Variants in PCDH11Y observed in about 807,000 individuals in gnomAD.
PCDH11Y encodes protocadherin 11 Y-linked.
For missense variants in PCDH11Y, 12 were observed against 224.8 expected (o/e 0.05, Z 6.05); for synonymous variants, 9 against 83.6 (o/e 0.11, Z 4.87).
intron 2 of PCDH11Y, among the ~76,000 whole-genome samples, chrY:5,255,222 G>A: frequency 9.6e-5 from 3 of 31,106 alleles, no homozygotes; most frequent in Non-Finnish European, 2.3e-4. Flanking sequence ...CCAGCCTCTG[G>A]TAACCATCTG....
chrY:5,079,622 G>C, intron 1 of PCDH11Y, among the ~76,000 whole-genome samples: 1 of 31,378 alleles, frequency 3.2e-5, no homozygotes, highest in South Asian at 8.0e-4. Context: ...TTCAGCCATG[G>C]CTGGGATGTA....
chrY:5,679,005 G>A, intron 4 of PCDH11Y, among the ~76,000 whole-genome samples: 1 of 32,432 alleles, frequency 3.1e-5, no homozygotes, highest in Admixed American at 2.8e-4. Context: ...TTCTCAGCAA[G>A]CCTTGCCATC....
chrY:5,560,639 T>C (rs1240832453), intron 3 of PCDH11Y, among the ~76,000 whole-genome samples: 11 of 33,009 alleles, frequency 3.3e-4, no homozygotes, highest in Non-Finnish European at 6.0e-4. Flanking sequence ...CTCCAAGCCT[T>C]GGCAGCTTCC....
intron 4 of PCDH11Y, among the ~76,000 whole-genome samples, chrY:5,625,700 T>C (rs2053506207): frequency 3.3e-5 from 1 of 30,380 alleles, no homozygotes; most frequent in Non-Finnish European, 7.9e-5. Flanking sequence ...TTTTTGATGT[T>C]CTGTTTATAT....
chrY:5,552,816 A>G, intron 3 of PCDH11Y, among the ~76,000 whole-genome samples: 9 of 31,725 alleles, frequency 2.8e-4, no homozygotes. Flanking sequence ...ACACAAACAG[A>G]TATCAACTTC....
intron 2 of PCDH11Y, among the ~76,000 whole-genome samples, chrY:5,200,824 G>C (rs1602885461): frequency 3.0e-5 from 1 of 33,371 alleles, no homozygotes; most frequent in East Asian, 8.0e-4. Context: ...GTTATTAAGT[G>C]TGTTTTTGCT....
intron 3 of PCDH11Y, among the ~76,000 whole-genome samples, chrY:5,540,687 T>C (rs2053405402): frequency 2.8e-5 from 1 of 35,938 alleles, no homozygotes; most frequent in Non-Finnish European, 7.2e-5. Context: ...CTGTACATGG[T>C]ACACCTGGTA....
chrY:5,646,354 G>T, intron 4 of PCDH11Y, among the ~76,000 whole-genome samples: 4 of 32,894 alleles, frequency 1.2e-4, no homozygotes, highest in African/African-American at 4.8e-4. Context: ...AAGGGTAGCC[G>T]GGGTTTGGGA....
chrY:5,015,391 A>G, intron 1 of PCDH11Y, among the ~76,000 whole-genome samples: 1 of 33,007 alleles, frequency 3.0e-5, no homozygotes, highest in Middle Eastern at 0.014. Context: ...GGTGGTAGAT[A>G]ATTTAACCTA....
At chrY:5,283,016 C>A in intron 2 of PCDH11Y, among the ~76,000 whole-genome samples, 1 of 33,429 alleles carries the variant, frequency 3.0e-5, no homozygotes, top group Non-Finnish European at 7.5e-5. Flanking sequence ...GATTTTTGGA[C>A]TATATTTCAT....
chrY:5,086,330 A>G, intron 1 of PCDH11Y, among the ~76,000 whole-genome samples: 1 of 32,142 alleles, frequency 3.1e-5, no homozygotes, highest in Non-Finnish European at 7.6e-5. Context: ...TCTCCACATT[A>G]TCTTGAATTT....
intron 2 of PCDH11Y, among the ~76,000 whole-genome samples, chrY:5,183,255 G>C: frequency 3.0e-5 from 1 of 33,571 alleles, no homozygotes; most frequent in Non-Finnish European, 7.4e-5. Context: ...TTGGCTCCAT[G>C]CCACTCCCCC....
chrY:5,152,886 A>G, intron 2 of PCDH11Y, among the ~76,000 whole-genome samples: 1 of 32,213 alleles, frequency 3.1e-5, no homozygotes, highest in Non-Finnish European at 7.7e-5. Flanking sequence ...CTTGAACATA[A>G]CACAAGAGCC....
At chrY:5,531,464 G>A in intron 3 of PCDH11Y, among the ~76,000 whole-genome samples, 2 of 32,523 alleles carry the variant, frequency 6.1e-5, no homozygotes, top group African/African-American at 1.2e-4. Flanking sequence ...AAATATAAAC[G>A]GCCAGGTAAT....
intron 3 of PCDH11Y, among the ~76,000 whole-genome samples, chrY:5,512,126 G>A (rs2124689062): frequency 3.1e-5 from 1 of 32,695 alleles, no homozygotes; most frequent in East Asian, 8.1e-4. Context: ...TTGTAGCATT[G>A]TTGTATTAAA....
intron 2 of PCDH11Y, among the ~76,000 whole-genome samples, chrY:5,136,542 C>T: frequency 3.0e-5 from 1 of 32,849 alleles, no homozygotes; most frequent in African/African-American, 1.2e-4. Context: ...GGAGATACCA[C>T]AGAAAGGTGA....
chrY:5,411,838 GC>G (rs2053247714), intron 2 of PCDH11Y, among the ~76,000 whole-genome samples: 2 of 33,117 alleles, frequency 6.0e-5, no homozygotes. Context: ...TTACTGTGTA[GC>G]CTTGTAATAT....
chrY:5,585,432 GT>G (rs2053454440), intron 4 of PCDH11Y, among the ~76,000 whole-genome samples: 11 of 32,607 alleles, frequency 3.4e-4, no homozygotes, highest in African/African-American at 1.1e-3. Context: ...TAATGGAGTT[GT>G]TTTTTTTCTT....
chrY:5,014,955 T>G, intron 1 of PCDH11Y, among the ~76,000 whole-genome samples: 1 of 33,660 alleles, frequency 3.0e-5, no homozygotes, highest in African/African-American at 1.2e-4. Context: ...CAAAAATATA[T>G]TTTGCTGTTA....
Sources: gnomAD v4.1 joint callset for allele counts (sites outside exome capture counted in the v4.1 genomes callset) on GRCh38, gnomAD v4.1.1 for gene constraint, MANE v1.5 for transcripts, NCBI Gene and HGNC (gene_info 2026-07-23, HGNC 2026-07-21) for gene names.